ANK2: variants seen among roughly 807,000 people sequenced by gnomAD.
ANK2 encodes the protein ankyrin-2.
A neutral mutation model predicts 360.5 loss-of-function variants in ANK2; 83 were observed. That is an observed-to-expected ratio of 0.23 (90% CI 0.19 to 0.28). The LOEUF (loss-of-function observed/expected upper bound fraction) is 0.28. Ranked by LOEUF, ANK2 falls within the 10% of genes least tolerant of loss-of-function variation. ANK2 has a pLI of 1.00. For synonymous variants in ANK2, 1,740 were observed against 1,759.5 expected (o/e 0.99, Z 0.28); for missense variants, 4,201 against 4,795.7 (o/e 0.88, Z 3.66).
At chr4:112,865,031 C>CAAAAAAAAAA (rs56149739) in intron 1 of ANK2, among the ~76,000 whole-genome samples, 1 of 52,506 alleles carries the variant, frequency 1.9e-5, no homozygotes, top group African/African-American at 7.2e-5. Context: ...GACTCCATCT[C>CAAAAAAAAAA]AAAAAAAAAA....
intron 2 of ANK2, among the ~76,000 whole-genome samples, chr4:112,938,204 G>A (rs2093916607): frequency 6.6e-6 from 1 of 152,156 alleles, no homozygotes; most frequent in African/African-American, 2.4e-5. Context: ...GAGTAAAGAT[G>A]TATTACTCTA....
intron 2 of ANK2, among the ~76,000 whole-genome samples, chr4:113,175,916 C>T (rs1454214604): frequency 1.3e-5 from 2 of 152,166 alleles, no homozygotes; most frequent in Non-Finnish European, 2.9e-5. Flanking sequence ...GAAAGGCATT[C>T]TGCTGTGGCC....
chr4:113,378,014 G>A (rs1210321568), intron 45 of ANK2: 2 of 640,226 alleles, frequency 3.1e-6, no homozygotes, highest in Non-Finnish European at 4.7e-6. Context: ...CTGACTATGA[G>A]TAAAGCAAAG....
chr4:112,864,502 GT>G (rs1249434965), intron 1 of ANK2, among the ~76,000 whole-genome samples: 1 of 151,690 alleles, frequency 6.6e-6, no homozygotes, highest in Non-Finnish European at 1.5e-5. Context: ...TAGAGATGGG[GT>G]TTCATCATGC....
In ANK2 at chr4:113,315,936, G is replaced by A. The variant is rs140917186; in HGVS notation, c.2694-1771G>A. Reference sequence around the variant, plus strand: ...AAAAAAAAAAAGAATTGCTGATCTCGTGCCACCTGGTACAAAACACATCCA... The same window carrying A: ...AAAAAAAAAAAGAATTGCTGATCTCATGCCACCTGGTACAAAACACATCCA... On this transcript the variant is annotated intron_variant, in intron 24 of 45. Coordinates refer to ENST00000357077, the MANE Select transcript of ANK2 (RefSeq NM_001148.6). 2.8e-3 allele frequency among the ~76,000 whole-genome samples: 411 copies of A among 148,598 alleles called. 5 individuals are homozygous for A. The highest frequency in any genetic ancestry group is 9.3e-3 in the African/African-American group (376 of 40,308).
intron 1 of ANK2, among the ~76,000 whole-genome samples, chr4:113,059,648 A>G (rs1261190354): frequency 6.6e-6 from 1 of 152,090 alleles, no homozygotes; most frequent in Admixed American, 6.6e-5. Flanking sequence ...CTTTCCACAC[A>G]GTCTATGATT....
At chr4:113,337,707 C>A (rs970491268) in intron 31 of ANK2, among the ~76,000 whole-genome samples, 8 of 152,090 alleles carry the variant, frequency 5.3e-5, no homozygotes, top group African/African-American at 1.9e-4. Context: ...TGATAGAGAA[C>A]CACGAGATTA....
intron 2 of ANK2, among the ~76,000 whole-genome samples, chr4:112,920,496 CAA>C (rs1291595278): frequency 6.6e-6 from 1 of 152,092 alleles, no homozygotes; most frequent in African/African-American, 2.4e-5. Flanking sequence ...ACTAAAGAGA[CAA>C]AATGTGTTTT....
chr4:113,258,475 T>A, intron 13 of ANK2, 64 bp downstream of exon 13: 1 of 1,461,280 alleles, frequency 6.8e-7, no homozygotes, highest in East Asian at 2.3e-5. Context: ...AGATTGTGGG[T>A]GTGTGTATGT....
At chr4:113,294,067 G>C (rs2069508920) in intron 22 of ANK2, among the ~76,000 whole-genome samples, 1 of 152,134 alleles carries the variant, frequency 6.6e-6, no homozygotes, top group Non-Finnish European at 1.5e-5. Context: ...TGCTTTCTAG[G>C]TAAATTGTTT....
the ANK2 span, among the ~76,000 whole-genome samples, chr4:112,744,491 G>A: frequency 1.3e-5 from 2 of 151,466 alleles, no homozygotes; most frequent in African/African-American, 2.4e-5. Context: ...GGATTACTGG[G>A]GCATGCCACA....
intron 8 of ANK2, among the ~76,000 whole-genome samples, chr4:113,241,857 G>A (rs2040127882): frequency 6.6e-6 from 1 of 152,102 alleles, no homozygotes; most frequent in Non-Finnish European, 1.5e-5. Flanking sequence ...ACTATAACTT[G>A]TACATTCAAT....
At chr4:113,004,563 T>G (rs1169490249) in intron 2 of ANK2, among the ~76,000 whole-genome samples, 2 of 152,158 alleles carry the variant, frequency 1.3e-5, no homozygotes, top group Non-Finnish European at 2.9e-5. Flanking sequence ...CGCCTTCTTC[T>G]AGAATAACTC....
intron 2 of ANK2, among the ~76,000 whole-genome samples, chr4:113,011,755 T>C (rs746165951): frequency 2.0e-5 from 3 of 152,096 alleles, no homozygotes; most frequent in Non-Finnish European, 2.9e-5. Flanking sequence ...GGATCCTTCT[T>C]GCACTTGCTG....
At chr4:113,318,017 A>G (rs929195112) in intron 25 of ANK2, among the ~76,000 whole-genome samples, 1 of 152,242 alleles carries the variant, frequency 6.6e-6, no homozygotes, top group Non-Finnish European at 1.5e-5. Context: ...CTGAAAAAGC[A>G]TACTGCTTAT....
chr4:112,998,554 A>G (rs1020905262), intron 2 of ANK2, among the ~76,000 whole-genome samples: 3 of 152,198 alleles, frequency 2.0e-5, no homozygotes, highest in Admixed American at 2.0e-4. Flanking sequence ...TGACTGCTGC[A>G]TATTTGAAAC....
At chr4:113,361,008 A>G in intron 39 of ANK2, 111 bp downstream of exon 39, 4 of 988,626 alleles carry the variant, frequency 4.0e-6, no homozygotes, top group South Asian at 1.4e-5. Context: ...GAATACATGA[A>G]AAGAAGAATA....
At chr4:112,969,780 AAC>A (rs759756347) in intron 2 of ANK2, among the ~76,000 whole-genome samples, 12 of 152,226 alleles carry the variant, frequency 7.9e-5, no homozygotes, top group Non-Finnish European at 8.8e-5. Context: ...AGATATGGAT[AAC>A]AGTTATTCAG....
At chr4:113,044,461 G>A (rs1255821169) in intron 2 of ANK2, among the ~76,000 whole-genome samples, 1 of 152,136 alleles carries the variant, frequency 6.6e-6, no homozygotes, top group African/African-American at 2.4e-5. Flanking sequence ...CAACTATAAG[G>A]GAGGATGGAA....
Sources: gnomAD v4.1 joint callset for allele counts (sites outside exome capture counted in the v4.1 genomes callset) on GRCh38, gnomAD v4.1.1 for gene constraint, MANE v1.5 for transcripts, NCBI Gene and HGNC (gene_info 2026-07-23, HGNC 2026-07-21) for gene names.